MKX: variants seen among roughly 807,000 people sequenced by gnomAD.
MKX encodes mohawk homeobox, also known as homeobox protein Mohawk.
A neutral mutation model predicts 36.0 loss-of-function variants in MKX; 13 were observed. The observed-to-expected ratio is 0.36, with a 90% CI of 0.24 to 0.57. The LOEUF (loss-of-function observed/expected upper bound fraction) is 0.57, where lower values mean the gene tolerates loss of function less well. Ranked by LOEUF, MKX falls within the 20% of genes least tolerant of loss-of-function variation. MKX has a pLI of 0.79. For synonymous variants in MKX, 176 were observed against 178.3 expected, an observed-to-expected ratio of 0.99 and a Z score of 0.10; for missense variants, 458 against 456.4, an observed-to-expected ratio of 1.00 and a Z score of -0.03.
At chr10:27,726,749 T>G (rs1422910302) in intron 5 of MKX, among the ~76,000 whole-genome samples, 1 of 151,968 alleles carries the variant, frequency 6.6e-6, no homozygotes, top group Non-Finnish European at 1.5e-5. Context: ...TTCCTCTTTT[T>G]AAAACTTTTT....
chr10:27,732,231 C>T (rs549701845), intron 5 of MKX, among the ~76,000 whole-genome samples: 6 of 151,896 alleles, frequency 4.0e-5, no homozygotes, highest in South Asian at 2.1e-4. Flanking sequence ...GTATAAAACA[C>T]GAGCATTAAT....
intron 5 of MKX, among the ~76,000 whole-genome samples, chr10:27,711,370 T>C (rs1046760954): frequency 6.6e-6 from 1 of 152,164 alleles, no homozygotes; most frequent in Admixed American, 6.5e-5. Flanking sequence ...TATTTCATAA[T>C]TGTCACTTTT....
chr10:27,713,827 T>C (rs1401900698), intron 5 of MKX, among the ~76,000 whole-genome samples: 1 of 152,018 alleles, frequency 6.6e-6, no homozygotes, highest in Admixed American at 6.6e-5. Context: ...ATACCATGGA[T>C]GTTATTGCCC....
At chr10:27,723,810 A>G (rs1834429721) in intron 5 of MKX, among the ~76,000 whole-genome samples, 1 of 152,184 alleles carries the variant, frequency 6.6e-6, no homozygotes, top group South Asian at 2.1e-4. Flanking sequence ...TTTTAGTATC[A>G]TGACTGTCTT....
At chr10:27,714,065 G>A in intron 5 of MKX, among the ~76,000 whole-genome samples, 1 of 147,812 alleles carries the variant, frequency 6.8e-6, no homozygotes, top group Admixed American at 6.8e-5. Context: ...ATGGCAACAG[G>A]CATGACATTT....
intron 5 of MKX, among the ~76,000 whole-genome samples, chr10:27,701,723 ATAT>A (rs1836660171): frequency 1.4e-5 from 2 of 140,400 alleles, no homozygotes; most frequent in East Asian, 2.0e-4. Flanking sequence ...TGACATATTT[ATAT>A]TATATTATAT....
chr10:27,684,327 A>ATAT (rs371862317), intron 5 of MKX, among the ~76,000 whole-genome samples: 7 of 151,544 alleles, frequency 4.6e-5, no homozygotes, highest in African/African-American at 1.5e-4. Flanking sequence ...AAAAGAAAAA[A>ATAT]ATATATATAT....
intron 5 of MKX, among the ~76,000 whole-genome samples, chr10:27,715,707 A>G (rs1234779350): frequency 6.6e-6 from 1 of 152,172 alleles, no homozygotes; most frequent in Non-Finnish European, 1.5e-5. Context: ...TATTTTTGTC[A>G]TTATTATGCC....
rs1325828012 is a variant in MKX at position 27,673,963 on chromosome 10, C to G, written c.*1266G>C. On this transcript the variant is annotated 3_prime_UTR_variant, in exon 7 of 7. Transcript: ENST00000419761. ...TTTACTTCTCTGTAGCACATACCCT[C>G]TGTTATATTTGGCATTTCCACTGCT... 1 of 152,048 alleles carries G rather than the reference C, an allele frequency of 6.6e-6. No homozygotes were observed. Among genetic ancestry groups the G allele is most frequent in the Non-Finnish European group, 1.5e-5 (1 of 67,968 alleles). The allele number at this position is 152,048 out of a possible 1,614,324, so 9.4% of individuals were successfully genotyped here.
At chr10:27,677,376 T>C (rs2451914) in intron 5 of MKX, among the ~76,000 whole-genome samples, 96,937 of 152,028 alleles carry the variant, frequency 0.64, 31,564 homozygotes, top group East Asian at 0.87. Context: ...AGTTAGGAAA[T>C]GCAACCTAAT....
chr10:27,689,141 T>A (rs1011285761), intron 5 of MKX, among the ~76,000 whole-genome samples: 3 of 152,206 alleles, frequency 2.0e-5, no homozygotes, highest in African/African-American at 7.2e-5. Flanking sequence ...TCTCCAGAAA[T>A]GACACTTCAG....
At chr10:27,705,391 G>A (rs1175242479) in intron 5 of MKX, among the ~76,000 whole-genome samples, 5 of 152,162 alleles carry the variant, frequency 3.3e-5, no homozygotes, top group Admixed American at 3.3e-4. Flanking sequence ...GTCTTACTCT[G>A]TCACCCAAGC....
chr10:27,675,184 A>G lies in MKX; in HGVS notation c.*45T>C. Reference sequence around the variant, plus strand: ...CGGCTCTTAGGATGAGGGTTGATGAAAACACCGGAAAGAACATCCATTGGA... The same window carrying G: ...CGGCTCTTAGGATGAGGGTTGATGAGAACACCGGAAAGAACATCCATTGGA... On this transcript the variant is annotated 3_prime_UTR_variant, in exon 7 of 7. Coordinates refer to ENST00000419761, the MANE Select transcript of MKX (RefSeq NM_173576.3). 6.3e-7 allele frequency: 1 copy of G among 1,581,948 alleles called. No individual in the cohort carries two copies. Among genetic ancestry groups the G allele is most frequent in the South Asian group, 1.2e-5 (1 of 86,274 alleles).
At chr10:27,710,291 C>T (rs994825276) in intron 5 of MKX, among the ~76,000 whole-genome samples, 10 of 152,210 alleles carry the variant, frequency 6.6e-5, no homozygotes, top group Non-Finnish European at 1.3e-4. Flanking sequence ...TGAAGATGAG[C>T]TAGGGCTTGA....
At chr10:27,737,525 G>A (rs1414508239) in intron 3 of MKX, among the ~76,000 whole-genome samples, 3 of 152,030 alleles carry the variant, frequency 2.0e-5, no homozygotes, top group Non-Finnish European at 4.4e-5. Flanking sequence ...TCTCTAAAAT[G>A]GATTTGATGG....
chr10:27,702,908 C>T (rs1347221138), intron 5 of MKX, among the ~76,000 whole-genome samples: 2 of 152,180 alleles, frequency 1.3e-5, no homozygotes, highest in Non-Finnish European at 2.9e-5. Flanking sequence ...CACTCACTTC[C>T]AGCTCAGTCA....
chr10:27,727,001 T>C (rs1277864063), intron 5 of MKX, among the ~76,000 whole-genome samples: 3 of 152,068 alleles, frequency 2.0e-5, no homozygotes. Context: ...TCCAGGAACT[T>C]TTAATATATA....
At chr10:27,695,512 G>A (rs1836538922) in intron 5 of MKX, among the ~76,000 whole-genome samples, 1 of 152,118 alleles carries the variant, frequency 6.6e-6, no homozygotes, top group Admixed American at 6.5e-5. Context: ...GCTTAATTTA[G>A]GAGGTTTATA....
At chr10:27,716,717 T>C (rs1836971979) in intron 5 of MKX, among the ~76,000 whole-genome samples, 1 of 152,218 alleles carries the variant, frequency 6.6e-6, no homozygotes, top group Admixed American at 6.5e-5. Context: ...CTCATCATAA[T>C]GTTAATTGTC....
Sources: allele counts gnomAD v4.1 joint callset (sites outside exome capture counted in the v4.1 genomes callset), GRCh38; gene constraint gnomAD v4.1.1; transcripts MANE v1.5; gene names NCBI Gene and HGNC (gene_info 2026-07-23, HGNC 2026-07-21).